ZNF292: variants seen among roughly 807,000 people sequenced by gnomAD.
ZNF292 encodes the protein zinc finger protein 292.
A neutral mutation model predicts 217.9 loss-of-function variants in ZNF292; 26 were observed. The ratio of observed to expected loss-of-function variants is 0.12; its 90% CI spans 0.09 to 0.17. The LOEUF is 0.17. Ranked by LOEUF, ZNF292 falls within the 10% of genes least tolerant of loss-of-function variation. The probability of loss-of-function intolerance (pLI) is 1.00; values close to 1 mark genes in which losing one functional copy is unlikely to be tolerated. For synonymous variants in ZNF292, 1,257 were observed against 1,124.1 expected (o/e 1.12, Z -2.37); for missense variants, 2,904 against 3,175.2 (o/e 0.91, Z 2.05).
chr6:87,244,486 A>G (rs978510670), intron 6 of ZNF292, among the ~76,000 whole-genome samples: 2 of 152,226 alleles, frequency 1.3e-5, no homozygotes, highest in African/African-American at 4.8e-5. Context: ...GCTGAGTTTC[A>G]TATGCTAAGC....
intron 1 of ZNF292, among the ~76,000 whole-genome samples, chr6:87,183,267 T>C (rs1471882057): frequency 6.6e-6 from 1 of 152,098 alleles, no homozygotes; most frequent in Non-Finnish European, 1.5e-5. Context: ...TAAAGGCAAA[T>C]AGAATGCTTT....
intron 7 of ZNF292, among the ~76,000 whole-genome samples, chr6:87,248,714 GA>G (rs1774740138): frequency 6.6e-6 from 1 of 152,242 alleles, no homozygotes; most frequent in African/African-American, 2.4e-5. Flanking sequence ...CTTGGAACTA[GA>G]AGCCAAACTG....
chr6:87,234,306 C>T (rs1773793052), intron 5 of ZNF292, among the ~76,000 whole-genome samples: 1 of 152,154 alleles, frequency 6.6e-6, no homozygotes, highest in Admixed American at 6.5e-5. Context: ...CGCCTGTAAT[C>T]CCAGCACTTT....
chr6:87,193,562 G>A (rs1029345945), intron 1 of ZNF292, among the ~76,000 whole-genome samples: 1 of 151,634 alleles, frequency 6.6e-6, no homozygotes, highest in East Asian at 1.9e-4. Flanking sequence ...AAAAATGCAG[G>A]CGCAACACAG....
chr6:87,166,518 A>G lies in ZNF292; in HGVS notation c.168+10759A>G, dbSNP rs146719725. ...GTGTCTGGCACAAGGAAGACATCAT[A>G]AACAAGTAGTTTTTGAATCATTCTC... is the stretch of plus-strand genomic sequence containing the variant. On this transcript the variant is annotated intron_variant, in intron 1 of 7. Transcript: ENST00000369577. Among the ~76,000 whole-genome samples the G allele has an allele frequency of 9.4e-3, 1,438 of 152,328 alleles. 19 individuals carry two copies. The highest frequency in any genetic ancestry group is 0.033 in the African/African-American group (1,355 of 41,576).
At chr6:87,157,793 A>AT (rs1305312169) in intron 1 of ZNF292, among the ~76,000 whole-genome samples, 1 of 152,000 alleles carries the variant, frequency 6.6e-6, no homozygotes, top group Non-Finnish European at 1.5e-5. Flanking sequence ...GGTTCAAGCG[A>AT]TTTTCCTGCC....
At chr6:87,214,606 C>T (rs1168593964) in intron 1 of ZNF292, among the ~76,000 whole-genome samples, 1 of 151,966 alleles carries the variant, frequency 6.6e-6, no homozygotes, top group Non-Finnish European at 1.5e-5. Flanking sequence ...TTGAGTATCC[C>T]CCGACACCCC....
Position 87,257,299 on chromosome 6 carries a change from G to T in ZNF292, c.3670G>T (p.Gly1224Cys), listed in dbSNP as rs1208054102. ...AACTTCTCAGGATAAAAATGAACAA[G>T]GTGGTATGTTATGTTCCCAAATGGA... is the stretch of plus-strand genomic sequence containing the variant. ...NITSQDKNEQ[G>C]GMLCSQMENL... Residue 1224 changes from glycine to cysteine, a missense_variant, in exon 8 of 8, where the codon GGT becomes TGT. Around this residue, in one of 15 missense-constraint regions of ZNF292, gnomAD observed 687 missense variants for 623.0 expected, o/e 1.10. Transcript: ENST00000369577. The T allele has an allele frequency of 6.2e-7, 1 of 1,613,522 alleles. No individual in the cohort carries two copies.
At chr6:87,178,806 G>C (rs1422158045) in intron 1 of ZNF292, among the ~76,000 whole-genome samples, 1 of 152,050 alleles carries the variant, frequency 6.6e-6, no homozygotes, top group African/African-American at 2.4e-5. Context: ...GTGTAGGTGT[G>C]ATTGTTGAAG....
At chr6:87,188,847 T>C (rs750296567) in intron 1 of ZNF292, among the ~76,000 whole-genome samples, 16 of 151,970 alleles carry the variant, frequency 1.1e-4, no homozygotes, top group Non-Finnish European at 2.4e-4. Flanking sequence ...ACAAGACTTT[T>C]TTAATACAAT....
rs538437554 is a variant in ZNF292 at position 87,236,855 on chromosome 6, A to G, written c.741+3328A>G. Among the ~76,000 whole-genome samples the G allele has an allele frequency of 4.6e-5, 7 of 152,350 alleles. No individual in the cohort carries two copies. In the East Asian group the frequency reaches 9.6e-4, roughly 21 times the overall value. The stretch of plus-strand genomic sequence containing the variant: ...CAACCTTATTCTTTCTCATGGCTAC[A>G]TAATTCCATAGTATGCATTTGTAAT... On this transcript the variant is annotated intron_variant, in intron 5 of 7. Coordinates refer to ENST00000369577, the MANE Select transcript of ZNF292 (RefSeq NM_015021.3).
At chr6:87,156,743 A>G (rs1770553192) in intron 1 of ZNF292, among the ~76,000 whole-genome samples, 1 of 152,234 alleles carries the variant, frequency 6.6e-6, no homozygotes, top group South Asian at 2.1e-4. Flanking sequence ...AGAATTTGGA[A>G]TGTTAATAAC....
chr6:87,187,968 G>C (rs918548738), intron 1 of ZNF292, among the ~76,000 whole-genome samples: 1 of 152,254 alleles, frequency 6.6e-6, no homozygotes, highest in Admixed American at 6.5e-5. Flanking sequence ...GCTGGCCGGT[G>C]TTTGCTGAGT....
chr6:87,257,564 G>T lies in ZNF292; in HGVS notation c.3935G>T (p.Gly1312Val), dbSNP rs775879691. The change falls in exon 8 of 8, where the codon GGG becomes GTG. Residue 1312 changes from glycine (G) to valine (V), a missense_variant. Coordinates refer to ENST00000369577, the MANE Select transcript of ZNF292 (RefSeq NM_015021.3). ...EGNTNSSFLK[G>V]GNGENAVFPS... ...AACACTAATTCCTCCTTTCTAAAGG[G>T]GGGTAATGGTGAAAATGCAGTTTTT... is the stretch of plus-strand genomic sequence containing the variant. The T allele has an allele frequency of 6.2e-7, 1 of 1,606,802 alleles. No individual in the cohort carries two copies. Among genetic ancestry groups the T allele is most frequent in the Admixed American group, 1.7e-5 (1 of 58,708 alleles).
At position 87,257,009 on chromosome 6, in the gene ZNF292, A is replaced by T. The variant is rs767027792; in HGVS notation, c.3380A>T (p.Tyr1127Phe). Residue 1127 changes from tyrosine (Y) to phenylalanine (F), a missense_variant, in exon 8 of 8, where the codon TAT becomes TTT. This residue lies in a region of ZNF292 where 687 missense variants were observed against 623.0 expected (regional missense o/e 1.10). Transcript: ENST00000369577. ...KHMKTAHPDQYAAFKMQRKSK... is the reference protein window; with the variant it reads ...KHMKTAHPDQFAAFKMQRKSK... ...ATGAAGACAGCACACCCTGACCAAT[A>T]TGCTGCATTTAAAATGCAGCGCAAA... The T allele has an allele frequency of 6.2e-7, 1 of 1,613,786 alleles. No individual in the cohort carries two copies. Among genetic ancestry groups the T allele is most frequent in the Non-Finnish European group, 8.5e-7 (1 of 1,179,802 alleles).
intron 1 of ZNF292, chr6:87,174,196 C>T (rs1371708841): frequency 6.4e-6 from 1 of 155,176 alleles, no homozygotes; most frequent in Non-Finnish European, 1.4e-5. Flanking sequence ...AGGAATTCAC[C>T]AACACCCAAG....
chr6:87,215,865 T>A, intron 1 of ZNF292, 38 bp from the exon 2 acceptor site: 9 of 1,515,860 alleles, frequency 5.9e-6, no homozygotes, highest in Non-Finnish European at 7.1e-6. Flanking sequence ...TATTTTGATT[T>A]ACATTTTGAA....
chr6:87,192,761 T>G (rs1771855311), intron 1 of ZNF292, among the ~76,000 whole-genome samples: 1 of 152,234 alleles, frequency 6.6e-6, no homozygotes, highest in Non-Finnish European at 1.5e-5. Flanking sequence ...AGTAACTGTA[T>G]CACAGTTTAT....
chr6:87,204,792 G>C (rs1288285268), intron 1 of ZNF292, among the ~76,000 whole-genome samples: 1 of 151,940 alleles, frequency 6.6e-6, no homozygotes, highest in Non-Finnish European at 1.5e-5. Context: ...TCGAACACCT[G>C]ACCTCAGGCA....
Sources: gnomAD v4.1 joint callset for allele counts (sites outside exome capture counted in the v4.1 genomes callset) on GRCh38, gnomAD v4.1.1 for gene constraint, gnomAD v4.1.1 regional missense constraint, MANE v1.5 for transcripts, NCBI Gene and HGNC (gene_info 2026-07-23, HGNC 2026-07-21) for gene names.